Variants in RPF1 observed in about 807,000 individuals in gnomAD.
RPF1 encodes ribosome production factor 1 homolog.
In RPF1, 34 loss-of-function variants were observed where a neutral mutation model predicts 41.9. The ratio of observed to expected loss-of-function variants is 0.81; its 90% confidence interval spans 0.62 to 1.08. The LOEUF (loss-of-function observed/expected upper bound fraction) is 1.08, where lower values mean the gene tolerates loss of function less well. RPF1 is among the 50% of genes least tolerant of loss of function. RPF1 has a pLI of 0.00. For missense variants in RPF1, 425 were observed against 435.2 expected, an observed-to-expected ratio of 0.98 and a Z score of 0.21; for synonymous variants, 140 against 148.9, an observed-to-expected ratio of 0.94 and a Z score of 0.43.
intron 3 of RPF1, among the ~76,000 whole-genome samples, chr1:84,485,136 G>C (rs1176749828): frequency 2.0e-5 from 3 of 151,946 alleles, no homozygotes; most frequent in Non-Finnish European, 4.4e-5. Context: ...ATGGAGTCTC[G>C]CTCTGTTGCC....
intron 3 of RPF1, among the ~76,000 whole-genome samples, chr1:84,485,932 C>T (rs1257764042): frequency 6.6e-6 from 1 of 152,060 alleles, no homozygotes; most frequent in African/African-American, 2.4e-5. Context: ...GATTGTGTCT[C>T]TTGCCCATTT....
In RPF1 at chr1:84,490,422, C is replaced by A; in HGVS notation, c.566C>A (p.Ala189Glu). The part of the protein sequence containing the change: ...ALKKIIPQCI[A>E]RDFTDLIVIN... ...AAAAAAATTATTCCACAGTGCATCGCAAGAGATTTCACAGACCTGATTGTT... is the reference window on the plus strand; with the variant it reads ...AAAAAAATTATTCCACAGTGCATCGAAAGAGATTTCACAGACCTGATTGTT... Residue 189 changes from alanine to glutamate, a missense_variant, in exon 5 of 9, where the codon GCA becomes GAA. Transcript: ENST00000370654. 1 of 1,610,010 alleles carries A rather than the reference C, an allele frequency of 6.2e-7. No homozygotes were observed. Among genetic ancestry groups the A allele is most frequent in the Admixed American group, 1.7e-5 (1 of 59,456 alleles).
chr1:84,483,468 C>T (rs11163979), intron 3 of RPF1: 58,841 of 153,654 alleles, frequency 0.38, 12,843 homozygotes, highest in African/African-American at 0.59. Context: ...GGTTTCACCA[C>T]GTTGGCCAGG....
chr1:84,494,839 G>A (rs953894897), intron 5 of RPF1, among the ~76,000 whole-genome samples: 10 of 152,150 alleles, frequency 6.6e-5, no homozygotes, highest in African/African-American at 2.4e-4. Context: ...TAAGTAAGGG[G>A]TGATCTCTTG....
intron 3 of RPF1, among the ~76,000 whole-genome samples, chr1:84,488,679 A>T (rs1681777084): frequency 6.6e-6 from 1 of 152,128 alleles, no homozygotes; most frequent in Admixed American, 6.5e-5. Flanking sequence ...TATTTGTGTC[A>T]CTAGAGATAG....
At position 84,489,629 on chromosome 1, in the gene RPF1, T is replaced by C. The variant is rs1380908126; in HGVS notation, c.367-4T>C. 1.3e-6 allele frequency: 2 copies of C among 1,550,238 alleles called. No individual in the cohort carries two copies. Among genetic ancestry groups the C allele is most frequent in the South Asian group, 2.2e-5 (2 of 89,742 alleles). On this transcript the variant is annotated splice_polypyrimidine_tract_variant and splice_region_variant and intron_variant, in intron 3 of 8. Transcript: ENST00000370654. The stretch of plus-strand genomic sequence containing the variant: ...GTAAAATTATTCCTCTTCTCTGTTC[T>C]CAGGTCGCTTATGATGAAGCTACAG...
At chr1:84,479,750 C>T (rs1024430183) in intron 1 of RPF1, among the ~76,000 whole-genome samples, 1 of 152,190 alleles carries the variant, frequency 6.6e-6, no homozygotes, top group Non-Finnish European at 1.5e-5. Context: ...TCCTGGGACG[C>T]TAGATTCACA....
intron 5 of RPF1, among the ~76,000 whole-genome samples, chr1:84,492,542 G>A (rs1397882674): frequency 6.6e-6 from 1 of 152,052 alleles, no homozygotes; most frequent in Admixed American, 6.5e-5. Context: ...TTTTAAATGT[G>A]GGAAATAATA....
Position 84,497,451 on chromosome 1 carries a change from G to A in RPF1, c.1031G>A (p.Arg344Lys). 6.2e-7 allele frequency: 1 copy of A among 1,611,970 alleles called. No homozygotes were observed. The highest frequency in any genetic ancestry group is 8.5e-7 in the Non-Finnish European group (1 of 1,178,828). ...VHKPREMDTS[R>K]RKFHL Reference sequence around the variant, plus strand: ...CAGCCCCGGGAAATGGATACAAGTAGAAGAAAATTCCATTTATAAAGTACT... The same window carrying A: ...CAGCCCCGGGAAATGGATACAAGTAAAAGAAAATTCCATTTATAAAGTACT... Residue 344 changes from arginine to lysine, a missense_variant, in exon 9 of 9, where the codon AGA becomes AAA. Arg to Lys is a conservative substitution (Grantham distance 26). Transcript: ENST00000370654.
At chr1:84,483,852 T>C (rs1434590531) in intron 3 of RPF1, among the ~76,000 whole-genome samples, 1 of 152,210 alleles carries the variant, frequency 6.6e-6, no homozygotes, top group Non-Finnish European at 1.5e-5. Context: ...TATCTCCTGG[T>C]ATAGTCATAC....
At chr1:84,481,102 T>C (rs1264512828) in intron 2 of RPF1, 90 bp downstream of exon 2, 7 of 710,072 alleles carry the variant, frequency 9.9e-6, no homozygotes, top group Non-Finnish European at 1.7e-5. Context: ...TTAAAATTTA[T>C]TATTACGTAT....
intron 8 of RPF1, among the ~76,000 whole-genome samples, 196 bp downstream of exon 8, chr1:84,496,566 TAAAA>T (rs34913814): frequency 9.9e-5 from 13 of 131,848 alleles, no homozygotes; most frequent in South Asian, 2.4e-4. Flanking sequence ...ACCCTTGAAC[TAAAA>T]AAAAAAAAAA....
chr1:84,491,833 A>T (rs1044278549), intron 5 of RPF1, among the ~76,000 whole-genome samples: 2 of 152,182 alleles, frequency 1.3e-5, no homozygotes, highest in Non-Finnish European at 2.9e-5. Context: ...TAGTCACACA[A>T]ATTTCACTTA....
In RPF1 at chr1:84,479,513, C is replaced by A. The variant is rs1558536736; in HGVS notation, c.228+4C>A. Reference sequence around the variant, plus strand: ...GTGGAAACAGCAGCAGCGGAAGGTACGCGAGAGGCGGGGGCTGCCGGGCGC... The same window carrying A: ...GTGGAAACAGCAGCAGCGGAAGGTAAGCGAGAGGCGGGGGCTGCCGGGCGC... On this transcript the variant is annotated splice_donor_region_variant and intron_variant, in intron 1 of 8. Transcript: ENST00000370654. 6 of 1,613,168 alleles carry A rather than the reference C, an allele frequency of 3.7e-6. No individual in the cohort carries two copies. The highest frequency in any genetic ancestry group is 5.1e-6 in the Non-Finnish European group (6 of 1,179,296).
At chr1:84,481,466 A>C (rs1681645198) in intron 2 of RPF1, among the ~76,000 whole-genome samples, 1 of 152,196 alleles carries the variant, frequency 6.6e-6, no homozygotes, top group African/African-American at 2.4e-5. Context: ...TTGGTCAGGC[A>C]AGGCTGGGGA....
At chr1:84,481,043 A>G (rs749949836) in intron 2 of RPF1, 31 bp downstream of exon 2, 27 of 1,292,744 alleles carry the variant, frequency 2.1e-5, no homozygotes, top group Non-Finnish European at 2.6e-5. Flanking sequence ...TTTGCTTTCT[A>G]TCTTATATTA....
chr1:84,480,833 C>G, intron 1 of RPF1, 123 bp from the exon 2 acceptor site: 1 of 557,430 alleles, frequency 1.8e-6, no homozygotes. Context: ...ATGCTTATTT[C>G]AATAGATTAC....
At chr1:84,492,828 GACAA>G (rs1023331538) in intron 5 of RPF1, among the ~76,000 whole-genome samples, 12 of 152,164 alleles carry the variant, frequency 7.9e-5, no homozygotes, top group African/African-American at 2.7e-4. Context: ...CAGTCATACT[GACAA>G]ACAAAATGCC....
intron 5 of RPF1, among the ~76,000 whole-genome samples, chr1:84,493,332 CAAA>C (rs376130673): frequency 5.6e-4 from 58 of 104,058 alleles, no homozygotes; most frequent in South Asian, 5.1e-3. Context: ...GCACTACTAT[CAAA>C]AAAAAAAAAA....
Sources: gnomAD v4.1 joint callset for allele counts (sites outside exome capture counted in the v4.1 genomes callset) on GRCh38, gnomAD v4.1.1 for gene constraint, MANE v1.5 for transcripts, NCBI Gene and HGNC (gene_info 2026-07-23, HGNC 2026-07-21) for gene names.